NRG3: variants seen among roughly 807,000 people sequenced by gnomAD.
NRG3 encodes neuregulin 3, also known as pro-neuregulin-3, membrane-bound isoform.
Under a neutral mutation model 66.9 loss-of-function variants are expected in NRG3, and 31 were observed. The observed-to-expected ratio is 0.46, with a 90% CI of 0.35 to 0.63. The LOEUF (loss-of-function observed/expected upper bound fraction) is 0.63. NRG3 is among the 20% of genes least tolerant of loss of function. NRG3 has a pLI of 0.00. For missense variants in NRG3, 910 were observed against 878.9 expected, an observed-to-expected ratio of 1.04 and a Z score of -0.45; for synonymous variants, 393 against 359.4, an observed-to-expected ratio of 1.09 and a Z score of -1.06.
At chr10:82,643,904 C>CA (rs2050756190) in intron 2 of NRG3, among the ~76,000 whole-genome samples, 1 of 149,924 alleles carries the variant, frequency 6.7e-6, no homozygotes, top group Non-Finnish European at 1.5e-5. Flanking sequence ...ACACACACAC[C>CA]CACACACACA....
intron 4 of NRG3, among the ~76,000 whole-genome samples, chr10:82,879,015 A>G (rs1842067407): frequency 6.6e-6 from 1 of 152,196 alleles, no homozygotes; most frequent in Non-Finnish European, 1.5e-5. Context: ...CATAATAAAT[A>G]ATTCAATTAA....
intron 1 of NRG3, among the ~76,000 whole-genome samples, chr10:82,321,733 C>G (rs928383760): frequency 6.6e-6 from 1 of 152,216 alleles, no homozygotes; most frequent in Non-Finnish European, 1.5e-5. Flanking sequence ...CATATAAGAA[C>G]ACATTTCTAT....
intron 2 of NRG3, among the ~76,000 whole-genome samples, chr10:82,698,617 T>G (rs543305602): frequency 1.3e-5 from 2 of 152,288 alleles, no homozygotes; most frequent in Admixed American, 1.3e-4. Context: ...CAGACTCAGA[T>G]TCAAGTCTTA....
intron 3 of NRG3, among the ~76,000 whole-genome samples, chr10:82,844,309 G>GC (rs2063205516): frequency 6.6e-6 from 1 of 152,122 alleles, no homozygotes; most frequent in African/African-American, 2.4e-5. Context: ...ATACAATACT[G>GC]CTGCACTCTC....
At chr10:82,876,065 G>T (rs1450856930) in intron 4 of NRG3, among the ~76,000 whole-genome samples, 1 of 152,194 alleles carries the variant, frequency 6.6e-6, no homozygotes, top group African/African-American at 2.4e-5. Flanking sequence ...TTTCTGTAAA[G>T]ATGTTTTTGG....
chr10:82,004,496 A>T (rs964748445), intron 1 of NRG3, among the ~76,000 whole-genome samples: 2 of 152,104 alleles, frequency 1.3e-5, no homozygotes, highest in African/African-American at 4.8e-5. Flanking sequence ...GTCATCATCA[A>T]TCTAACCGTA....
intron 3 of NRG3, among the ~76,000 whole-genome samples, chr10:82,860,957 G>T (rs1304569515): frequency 6.6e-6 from 1 of 152,140 alleles, no homozygotes; most frequent in Admixed American, 6.5e-5. Flanking sequence ...CCAGTGAAGG[G>T]TTATGAGAAA....
chr10:82,108,427 A>G (rs2067194012), intron 1 of NRG3, among the ~76,000 whole-genome samples: 1 of 152,196 alleles, frequency 6.6e-6, no homozygotes, highest in South Asian at 2.1e-4. Flanking sequence ...CTGTACTGGA[A>G]GTCTGTGAGG....
At chr10:82,295,973 G>A (rs188296318) in intron 1 of NRG3, among the ~76,000 whole-genome samples, 33 of 152,232 alleles carry the variant, frequency 2.2e-4, no homozygotes, top group Admixed American at 2.0e-3. Flanking sequence ...ACTATAGTAA[G>A]TGCTGTGAAG....
At chr10:81,974,124 A>G (rs1280074683) in intron 1 of NRG3, among the ~76,000 whole-genome samples, 3 of 152,140 alleles carry the variant, frequency 2.0e-5, no homozygotes, top group African/African-American at 4.8e-5. Context: ...TCTTGTGCAT[A>G]TGGCTAGCCA....
intron 2 of NRG3, among the ~76,000 whole-genome samples, chr10:82,627,544 C>T (rs2049513958): frequency 6.6e-6 from 1 of 152,092 alleles, no homozygotes; most frequent in South Asian, 2.1e-4. Flanking sequence ...TGGCAATTTT[C>T]TGGAATTAGA....
chr10:82,433,781 G>C (rs191398242), intron 2 of NRG3, among the ~76,000 whole-genome samples: 1 of 152,062 alleles, frequency 6.6e-6, no homozygotes, highest in African/African-American at 2.4e-5. Flanking sequence ...TTATTTCTGA[G>C]GTCTCTGTTC....
intron 1 of NRG3, among the ~76,000 whole-genome samples, chr10:82,314,100 C>T (rs1056404390): frequency 2.0e-5 from 3 of 152,136 alleles, no homozygotes; most frequent in Non-Finnish European, 2.9e-5. Context: ...ACTCAGGCTT[C>T]TAAGGAGAAA....
chr10:82,804,477 G>C (rs963384041), intron 3 of NRG3, among the ~76,000 whole-genome samples: 1 of 152,098 alleles, frequency 6.6e-6, no homozygotes, highest in South Asian at 2.1e-4. Flanking sequence ...TACTGTTCGT[G>C]GTTTCTGGCA....
chr10:82,250,182 T>C (rs534585855), intron 1 of NRG3, among the ~76,000 whole-genome samples: 2 of 152,294 alleles, frequency 1.3e-5, no homozygotes, highest in South Asian at 2.1e-4. Context: ...AAGTATTCAC[T>C]GAAGACAGGA....
chr10:81,940,401 C>T (rs551595805), intron 1 of NRG3, among the ~76,000 whole-genome samples: 2 of 152,124 alleles, frequency 1.3e-5, no homozygotes, highest in Admixed American at 1.3e-4. Flanking sequence ...GGCTGGGGTA[C>T]AATACATAAT....
intron 2 of NRG3, among the ~76,000 whole-genome samples, chr10:82,504,015 T>G (rs1006949829): frequency 3.9e-5 from 6 of 152,226 alleles, no homozygotes; most frequent in Non-Finnish European, 8.8e-5. Context: ...GCTCTGAATA[T>G]GCACTGAAAT....
Position 81,875,279 on chromosome 10 carries a change from C to G in NRG3, c.-62C>G, listed in dbSNP as rs1841518129. The G allele has an allele frequency of 1.1e-5, 11 of 973,006 alleles. No individual in the cohort carries two copies. The highest frequency in any genetic ancestry group is 5.2e-4 in the Middle Eastern group (1 of 1,930). The allele number at this position is 973,006 out of a possible 1,614,324, so 60.3% of individuals were successfully genotyped here. ...CCCGCGCCCGCGCCCGCGCCCGGCC[C>G]GCGCGGCCCCATGCCTCTGCCGCGG... On this transcript the variant is annotated 5_prime_UTR_variant, in exon 1 of 9. Transcript: ENST00000372141. This position sits in a 1 kb window ranked among gnomAD's most constrained non-coding sequence, Gnocchi z 5.3.
chr10:82,516,134 G>A (rs574337171), intron 2 of NRG3, among the ~76,000 whole-genome samples: 6 of 151,848 alleles, frequency 4.0e-5, no homozygotes, highest in Non-Finnish European at 8.8e-5. Flanking sequence ...TTGAATGGTT[G>A]GAACATTGTG....
Sources: allele counts gnomAD v4.1 joint callset (sites outside exome capture counted in the v4.1 genomes callset), GRCh38; gene constraint gnomAD v4.1.1; non-coding constraint Gnocchi (gnomAD v3.1); transcripts MANE v1.5; gene names NCBI Gene and HGNC (gene_info 2026-07-23, HGNC 2026-07-21).